C10orf67: variants seen among roughly 807,000 people sequenced by gnomAD.
C10orf67 encodes the protein chromosome 10 open reading frame 67, also known as uncharacterized protein C10orf67, mitochondrial.
A neutral mutation model predicts 35.6 loss-of-function variants in C10orf67; 60 were observed. That is an observed-to-expected ratio of 1.68 (90% CI 1.37 to 2.09). The LOEUF is 2.09. Among genes scored for constraint, C10orf67 ranks in the 30% most tolerant of loss-of-function variants. The pLI, the probability that C10orf67 is intolerant of heterozygous loss-of-function variation, is 0.00. For missense variants in C10orf67, 474 were observed against 330.2 expected, an observed-to-expected ratio of 1.44 and a Z score of -3.38; for synonymous variants, 167 against 115.8, an observed-to-expected ratio of 1.44 and a Z score of -2.84.
At chr10:23,235,880 G>T (rs1344966815) in intron 13 of C10orf67, among the ~76,000 whole-genome samples, 1 of 152,122 alleles carries the variant, frequency 6.6e-6, no homozygotes, top group African/African-American at 2.4e-5. Context: ...ACTTAGGGAG[G>T]CCAAGGTGGG....
At chr10:23,221,481 C>T (rs144187815) in intron 15 of C10orf67, among the ~76,000 whole-genome samples, 82 of 152,104 alleles carry the variant, frequency 5.4e-4, no homozygotes, top group African/African-American at 1.7e-3. Flanking sequence ...AAACTATTTC[C>T]GGGGGGTCTG....
intron 1 of C10orf67, among the ~76,000 whole-genome samples, chr10:23,334,858 G>C (rs763165728): frequency 6.6e-6 from 1 of 152,174 alleles, no homozygotes; most frequent in Non-Finnish European, 1.5e-5. Context: ...TGACTACAAG[G>C]GGGGCCAGCC....
intron 2 of C10orf67, among the ~76,000 whole-genome samples, chr10:23,330,696 T>C (rs548352505): frequency 1.3e-5 from 2 of 149,542 alleles, no homozygotes; most frequent in South Asian, 4.2e-4. Flanking sequence ...GCTGAGATCG[T>C]GCCACTGCAC....
rs530277853 is a variant in C10orf67 at position 23,334,777 on chromosome 10, A to T, written c.207-1595T>A. 2.6e-5 allele frequency among the ~76,000 whole-genome samples: 4 copies of T among 152,348 alleles called. No individual in the cohort carries two copies. In the East Asian group the frequency reaches 7.7e-4, roughly 29 times the overall value. Reference sequence around the variant, plus strand: ...ACTCCTACAAAGGGGGCACCAGAGGAGAGGTTTCTTCTTTGTCTCTGGACA... The same window carrying T: ...ACTCCTACAAAGGGGGCACCAGAGGTGAGGTTTCTTCTTTGTCTCTGGACA... On this transcript the variant is annotated intron_variant, in intron 1 of 15. Transcript: ENST00000636213.
chr10:23,242,614 T>G (rs1035014525), intron 12 of C10orf67, among the ~76,000 whole-genome samples: 1 of 151,884 alleles, frequency 6.6e-6, no homozygotes, highest in African/African-American at 2.4e-5. Flanking sequence ...AAAATTAAAA[T>G]GTAGGAGAGA....
intron 7 of C10orf67, among the ~76,000 whole-genome samples, chr10:23,282,357 A>G (rs982926936): frequency 6.6e-6 from 1 of 152,198 alleles, no homozygotes; most frequent in Non-Finnish European, 1.5e-5. Flanking sequence ...TACTCTGTCA[A>G]AAAGAACAAT....
At chr10:23,309,995 T>A (rs1392917550) in intron 4 of C10orf67, among the ~76,000 whole-genome samples, 1 of 152,192 alleles carries the variant, frequency 6.6e-6, no homozygotes, top group Non-Finnish European at 1.5e-5. Flanking sequence ...ATACAATGAA[T>A]TCATTTTTCT....
chr10:23,212,085 T>C (rs1266853871), intron 15 of C10orf67, among the ~76,000 whole-genome samples: 1 of 152,148 alleles, frequency 6.6e-6, no homozygotes, highest in Non-Finnish European at 1.5e-5. Context: ...ACCCAGTATG[T>C]CTGTGTCCTT....
At chr10:23,342,332 C>T (rs976083190) in intron 1 of C10orf67, among the ~76,000 whole-genome samples, 7 of 152,036 alleles carry the variant, frequency 4.6e-5, no homozygotes, top group African/African-American at 1.4e-4. Context: ...ACATAGTTTA[C>T]TTGTTTATCT....
intron 4 of C10orf67, among the ~76,000 whole-genome samples, chr10:23,310,259 A>C (rs1372417808): frequency 6.6e-6 from 1 of 152,196 alleles, no homozygotes; most frequent in South Asian, 2.1e-4. Context: ...CAAAAACCAA[A>C]ACCAAAACAA....
At chr10:23,308,392 G>A (rs1388806994) in intron 4 of C10orf67, among the ~76,000 whole-genome samples, 1 of 152,036 alleles carries the variant, frequency 6.6e-6, no homozygotes, top group Non-Finnish European at 1.5e-5. Flanking sequence ...CTCCTCCTAC[G>A]GGCTAACATC....
intron 15 of C10orf67, among the ~76,000 whole-genome samples, chr10:23,221,729 C>A (rs2132103766): frequency 6.6e-6 from 1 of 152,288 alleles, no homozygotes; most frequent in African/African-American, 2.4e-5. Flanking sequence ...AGAGAAGATT[C>A]ATTTACTCCC....
At chr10:23,328,510 T>G (rs192070339) in intron 2 of C10orf67, among the ~76,000 whole-genome samples, 2 of 152,224 alleles carry the variant, frequency 1.3e-5, no homozygotes, top group East Asian at 3.9e-4. Flanking sequence ...GCACTAATGG[T>G]GGAGATGTGA....
At chr10:23,235,582 T>C (rs972148316) in intron 13 of C10orf67, among the ~76,000 whole-genome samples, 2 of 152,170 alleles carry the variant, frequency 1.3e-5, no homozygotes, top group Admixed American at 1.3e-4. Flanking sequence ...TTGTGGAATT[T>C]GGTTGAACAA....
At chr10:23,211,506 C>T (rs1026946834) in intron 15 of C10orf67, among the ~76,000 whole-genome samples, 1 of 150,516 alleles carries the variant, frequency 6.6e-6, no homozygotes, top group Admixed American at 6.6e-5. Flanking sequence ...CAATTCAACC[C>T]GTAACACACA....
At chr10:23,343,713 G>A (rs1846010566) in intron 1 of C10orf67, among the ~76,000 whole-genome samples, 1 of 152,184 alleles carries the variant, frequency 6.6e-6, no homozygotes, top group South Asian at 2.1e-4. Context: ...TCCAGAGTCC[G>A]TGCTCTTAGT....
chr10:23,251,327 C>T (rs1454169662), intron 10 of C10orf67, among the ~76,000 whole-genome samples: 2 of 152,180 alleles, frequency 1.3e-5, no homozygotes, highest in Admixed American at 6.5e-5. Context: ...TGTTTTCCTT[C>T]ACTTACTGTG....
At chr10:23,257,417 A>T (rs959355203) in intron 10 of C10orf67, among the ~76,000 whole-genome samples, 3 of 152,222 alleles carry the variant, frequency 2.0e-5, no homozygotes, top group Non-Finnish European at 4.4e-5. Flanking sequence ...ACAGGTGGAC[A>T]GGTTCTATAA....
intron 15 of C10orf67, among the ~76,000 whole-genome samples, chr10:23,222,912 G>A (rs1331647878): frequency 3.9e-5 from 6 of 152,058 alleles, no homozygotes; most frequent in Non-Finnish European, 8.8e-5. Context: ...GCATCCCAAA[G>A]TGCTGGAATT....
Sources: gnomAD v4.1 joint callset for allele counts (sites outside exome capture counted in the v4.1 genomes callset) on GRCh38, gnomAD v4.1.1 for gene constraint, MANE v1.5 for transcripts, NCBI Gene and HGNC (gene_info 2026-07-23, HGNC 2026-07-21) for gene names.